The following SERGEF variants were observed in gnomAD, a reference collection of about 807,000 sequenced individuals.
SERGEF encodes the protein secretion-regulating guanine nucleotide exchange factor.
In SERGEF, 51 loss-of-function variants were observed where a neutral mutation model predicts 50.0. That is an observed-to-expected ratio of 1.02 (90% CI 0.81 to 1.29). The LOEUF (loss-of-function observed/expected upper bound fraction) is 1.29, where lower values mean the gene tolerates loss of function less well. Among genes scored for constraint, SERGEF ranks in the 50% most tolerant of loss-of-function variants. The pLI is 0.00. For synonymous variants in SERGEF, 205 were observed against 212.4 expected (o/e 0.97, Z 0.30); for missense variants, 521 against 557.0 (o/e 0.94, Z 0.65).
At chr11:17,867,296 G>A (rs1590165894) in intron 10 of SERGEF, among the ~76,000 whole-genome samples, 1 of 152,356 alleles carries the variant, frequency 6.6e-6, no homozygotes, top group East Asian at 1.9e-4. Context: ...CATTCAAAAT[G>A]GGAGAAATTG....
At chr11:17,900,191 T>C (rs1851723478) in intron 9 of SERGEF, among the ~76,000 whole-genome samples, 1 of 152,202 alleles carries the variant, frequency 6.6e-6, no homozygotes, top group Admixed American at 6.5e-5. Flanking sequence ...GTTTGAATCC[T>C]GGCTCTGCCT....
intron 8 of SERGEF, among the ~76,000 whole-genome samples, 160 bp downstream of exon 8, chr11:17,988,437 G>A (rs1408030856): frequency 6.6e-6 from 1 of 152,146 alleles, no homozygotes; most frequent in Non-Finnish European, 1.5e-5. Flanking sequence ...GAGAGGAAAA[G>A]CCACATATCT....
intron 10 of SERGEF, among the ~76,000 whole-genome samples, chr11:17,828,309 C>G (rs1391296593): frequency 6.6e-6 from 1 of 152,162 alleles, no homozygotes; most frequent in East Asian, 1.9e-4. Flanking sequence ...TCTCTTTAAG[C>G]TTGTAAGCCG....
intron 8 of SERGEF, 42 bp downstream of exon 8, chr11:17,988,555 C>G (rs1853645253): frequency 6.2e-7 from 1 of 1,604,444 alleles, no homozygotes; most frequent in African/African-American, 1.3e-5. Context: ...AGCTGTCCCC[C>G]AGCTGCTCTT....
At chr11:17,956,898 T>C (rs1852884610) in intron 9 of SERGEF, among the ~76,000 whole-genome samples, 1 of 152,252 alleles carries the variant, frequency 6.6e-6, no homozygotes, top group Middle Eastern at 3.4e-3. Flanking sequence ...GCTCTTGTCT[T>C]CTCCAAGGTG....
intron 9 of SERGEF, among the ~76,000 whole-genome samples, chr11:17,890,043 A>G (rs1273499965): frequency 6.6e-6 from 1 of 151,426 alleles, no homozygotes; most frequent in Non-Finnish European, 1.5e-5. Context: ...AAAAAAAAAA[A>G]AAAAAGACAG....
intron 9 of SERGEF, among the ~76,000 whole-genome samples, chr11:17,946,380 T>C (rs192786145): frequency 6.6e-6 from 1 of 152,276 alleles, no homozygotes; most frequent in East Asian, 1.9e-4. Context: ...AGATGGTGCC[T>C]AGAAAGTGCT....
At chr11:17,873,301 A>G (rs1851181211) in intron 10 of SERGEF, among the ~76,000 whole-genome samples, 1 of 152,164 alleles carries the variant, frequency 6.6e-6, no homozygotes, top group Non-Finnish European at 1.5e-5. Flanking sequence ...CCAGAGTACC[A>G]GCTCATCAAT....
intron 8 of SERGEF, among the ~76,000 whole-genome samples, chr11:17,985,330 T>C (rs546222625): frequency 6.6e-5 from 10 of 152,072 alleles, no homozygotes; most frequent in Non-Finnish European, 1.5e-4. Context: ...TGCAGGCAGG[T>C]TTTAATACCA....
chr11:17,855,161 C>T (rs138236472), intron 10 of SERGEF: 10 of 152,206 alleles, frequency 6.6e-5, no homozygotes, highest in Non-Finnish European at 1.2e-4. Flanking sequence ...CTTTTCCAAC[C>T]ATACTTGTAC....
At chr11:17,793,569 A>AC (rs1849521170) in intron 10 of SERGEF, among the ~76,000 whole-genome samples, 1 of 152,232 alleles carries the variant, frequency 6.6e-6, no homozygotes, top group Admixed American at 6.5e-5. Context: ...GCCTACAGAA[A>AC]GCCTCTCCCT....
At chr11:17,858,302 G>A (rs1333737345) in intron 10 of SERGEF, among the ~76,000 whole-genome samples, 1 of 152,188 alleles carries the variant, frequency 6.6e-6, no homozygotes, top group East Asian at 1.9e-4. Context: ...GGACCTGGAA[G>A]AAGAGTCATC....
chr11:17,995,742 GTC>G, intron 6 of SERGEF, 52 bp downstream of exon 6: 1 of 1,216,312 alleles, frequency 8.2e-7, no homozygotes, highest in East Asian at 2.4e-5. Context: ...GCATGTTTAT[GTC>G]TCTACTTCCT....
intron 8 of SERGEF, 145 bp downstream of exon 8, chr11:17,988,452 G>T: frequency 1.4e-6 from 1 of 711,528 alleles, no homozygotes; most frequent in Non-Finnish European, 2.1e-6. Flanking sequence ...ATATCTGGCT[G>T]GTGGCAGAAC....
chr11:17,854,546 A>G (rs893109060), intron 10 of SERGEF, among the ~76,000 whole-genome samples: 2 of 152,020 alleles, frequency 1.3e-5, no homozygotes, highest in African/African-American at 4.8e-5. Context: ...CTGACTAGCA[A>G]TGGCTTTCAA....
chr11:17,895,475 C>T (rs1270452826), intron 9 of SERGEF, among the ~76,000 whole-genome samples: 1 of 152,190 alleles, frequency 6.6e-6, no homozygotes, highest in South Asian at 2.1e-4. Flanking sequence ...AGGAGTGCTG[C>T]TGTCCTGTCC....
chr11:17,951,981 A>G (rs1488967371), intron 9 of SERGEF, among the ~76,000 whole-genome samples: 1 of 152,058 alleles, frequency 6.6e-6, no homozygotes, highest in Non-Finnish European at 1.5e-5. Context: ...CCCTAATCTC[A>G]TCACTCCAGC....
At chr11:18,010,090 C>T (rs1226610006) in intron 1 of SERGEF, 7 of 1,248,932 alleles carry the variant, frequency 5.6e-6, no homozygotes, top group Non-Finnish European at 7.3e-6. Context: ...GCTGGTTCTT[C>T]CTGGAGATGA....
intron 9 of SERGEF, among the ~76,000 whole-genome samples, chr11:17,883,147 A>C (rs1851367713): frequency 1.3e-5 from 2 of 152,152 alleles, no homozygotes. Context: ...GAGGGATAAG[A>C]TCTCCCACCC....
Sources: gnomAD v4.1 joint callset for allele counts (sites outside exome capture counted in the v4.1 genomes callset) on GRCh38, gnomAD v4.1.1 for gene constraint, MANE v1.5 for transcripts, NCBI Gene and HGNC (gene_info 2026-07-23, HGNC 2026-07-21) for gene names.